The following WWC2 variants were observed in gnomAD, a reference collection of about 807,000 sequenced individuals.
The protein encoded by WWC2 is WW and C2 domain containing 2, also known as protein WWC2.
In WWC2, 101 loss-of-function variants were observed where a neutral mutation model predicts 138.5. That is an observed-to-expected ratio of 0.73 (90% CI 0.62 to 0.86). The LOEUF (loss-of-function observed/expected upper bound fraction) is 0.86, where lower values mean the gene tolerates loss of function less well. Ranked by LOEUF, WWC2 falls within the 40% of genes least tolerant of loss-of-function variation. The pLI is 0.00. For missense variants in WWC2, 1,420 were observed against 1,419.4 expected, an observed-to-expected ratio of 1.00 and a Z score of -0.01; for synonymous variants, 558 against 538.4, an observed-to-expected ratio of 1.04 and a Z score of -0.50.
intron 1 of WWC2, among the ~76,000 whole-genome samples, chr4:183,159,431 G>T (rs796288660): frequency 7.9e-5 from 12 of 152,174 alleles, no homozygotes; most frequent in Admixed American, 2.0e-4. Context: ...TTGAGACAAG[G>T]TCTCACTCTG....
intron 1 of WWC2, among the ~76,000 whole-genome samples, chr4:183,173,242 G>A (rs1187100680): frequency 1.3e-5 from 2 of 152,012 alleles, no homozygotes; most frequent in Non-Finnish European, 2.9e-5. Context: ...TGTAGAGGTG[G>A]GGTCTTGTTA....
intron 16 of WWC2, among the ~76,000 whole-genome samples, chr4:183,276,666 A>G (rs1185042107): frequency 6.6e-6 from 1 of 152,024 alleles, no homozygotes; most frequent in Non-Finnish European, 1.5e-5. Flanking sequence ...ATTCATTCAG[A>G]TTTCCTCACG....
chr4:183,160,145 G>A (rs1351129433), intron 1 of WWC2, among the ~76,000 whole-genome samples: 1 of 152,186 alleles, frequency 6.6e-6, no homozygotes, highest in Non-Finnish European at 1.5e-5. Flanking sequence ...AGTAACAAAT[G>A]TGCATCATGA....
At chr4:183,221,498 CT>C (rs1229042208) in intron 4 of WWC2, among the ~76,000 whole-genome samples, 2 of 152,164 alleles carry the variant, frequency 1.3e-5, no homozygotes, top group Non-Finnish European at 2.9e-5. Context: ...GTAATCCTTA[CT>C]CTAGAATATG....
intron 1 of WWC2, among the ~76,000 whole-genome samples, chr4:183,116,962 T>C (rs984830876): frequency 6.6e-6 from 1 of 152,184 alleles, no homozygotes; most frequent in Non-Finnish European, 1.5e-5. Context: ...TCAGTTCTTT[T>C]AGAGGCTGAG....
At chr4:183,290,353 A>G (rs1056066737) in intron 21 of WWC2, among the ~76,000 whole-genome samples, 1 of 152,032 alleles carries the variant, frequency 6.6e-6, no homozygotes, top group African/African-American at 2.4e-5. Context: ...CGTCTTTACT[A>G]AAAATATTTA....
At chr4:183,309,425 C>T (rs1451362997) in intron 21 of WWC2, among the ~76,000 whole-genome samples, 1 of 152,188 alleles carries the variant, frequency 6.6e-6, no homozygotes, top group South Asian at 2.1e-4. Context: ...CGGCAAAAGA[C>T]CTGAACAGAC....
chr4:183,219,761 G>A (rs779768959), intron 4 of WWC2, among the ~76,000 whole-genome samples: 2 of 152,142 alleles, frequency 1.3e-5, no homozygotes, highest in Non-Finnish European at 2.9e-5. Context: ...AAATATTTTA[G>A]ATGTTGCAGG....
intron 11 of WWC2, among the ~76,000 whole-genome samples, chr4:183,263,840 C>T (rs897059193): frequency 6.6e-6 from 1 of 152,162 alleles, no homozygotes; most frequent in Non-Finnish European, 1.5e-5. Flanking sequence ...GGGGTGGTGG[C>T]TCCCTATCAG....
At chr4:183,168,629 G>A (rs1457632516) in intron 1 of WWC2, among the ~76,000 whole-genome samples, 3 of 152,164 alleles carry the variant, frequency 2.0e-5, no homozygotes, top group Non-Finnish European at 2.9e-5. Context: ...CAATGTCTGC[G>A]TCTTGACTGA....
At chr4:183,253,630 C>G in intron 8 of WWC2, 127 bp from the exon 9 acceptor site, 1 of 1,156,126 alleles carries the variant, frequency 8.6e-7, no homozygotes, top group Non-Finnish European at 1.2e-6. Flanking sequence ...TAGACCACAC[C>G]TCTTTCTGGT....
chr4:183,240,084 G>T, intron 4 of WWC2, 99 bp from the exon 5 acceptor site: 1 of 807,568 alleles, frequency 1.2e-6, no homozygotes. Flanking sequence ...TCATGGCTTT[G>T]TTTATGTGTT....
intron 5 of WWC2, 57 bp downstream of exon 5, chr4:183,240,319 C>A: frequency 2.2e-6 from 3 of 1,349,470 alleles, no homozygotes; most frequent in Non-Finnish European, 3.0e-6. Flanking sequence ...AGTATGAATA[C>A]AAAGAAAATA....
chr4:183,106,737 T>G (rs940204019), intron 1 of WWC2, among the ~76,000 whole-genome samples: 1 of 152,236 alleles, frequency 6.6e-6, no homozygotes, highest in African/African-American at 2.4e-5. Context: ...CAGGGTTCAT[T>G]TTGTAGCATT....
At chr4:183,225,201 G>A (rs1055357528) in intron 4 of WWC2, among the ~76,000 whole-genome samples, 7 of 152,158 alleles carry the variant, frequency 4.6e-5, no homozygotes, top group Non-Finnish European at 1.0e-4. Flanking sequence ...GAACTTGTGT[G>A]TAAGTTCTTA....
intron 1 of WWC2, among the ~76,000 whole-genome samples, chr4:183,181,883 A>T (rs764091473): frequency 1.3e-5 from 2 of 152,176 alleles, no homozygotes; most frequent in Non-Finnish European, 2.9e-5. Context: ...ATAACAGTTC[A>T]TCCTGTTATT....
At chr4:183,256,867 C>G (rs1206215486) in intron 9 of WWC2, among the ~76,000 whole-genome samples, 2 of 135,930 alleles carry the variant, frequency 1.5e-5, no homozygotes, top group South Asian at 2.4e-4. Context: ...TTTTCAGTCT[C>G]TGAGTGTGAT....
At chr4:183,306,887 A>AAAAAAAAAC (rs1553981104) in intron 21 of WWC2, among the ~76,000 whole-genome samples, 2 of 151,492 alleles carry the variant, frequency 1.3e-5, no homozygotes, top group African/African-American at 2.4e-5. Context: ...GAGGCAAAAA[A>AAAAAAAAAC]AAAAAAAAAA....
intron 1 of WWC2, among the ~76,000 whole-genome samples, chr4:183,103,925 C>T (rs899403675): frequency 2.0e-5 from 3 of 152,146 alleles, no homozygotes; most frequent in East Asian, 3.9e-4. Flanking sequence ...TGAGCCACCA[C>T]GCCCGGCCTG....
Sources: gnomAD v4.1 joint callset for allele counts (sites outside exome capture counted in the v4.1 genomes callset) on GRCh38, gnomAD v4.1.1 for gene constraint, MANE v1.5 for transcripts, NCBI Gene and HGNC (gene_info 2026-07-23, HGNC 2026-07-21) for gene names.